FGGY: variants seen among roughly 807,000 people sequenced by gnomAD.
FGGY encodes FGGY carbohydrate kinase domain-containing protein.
In FGGY, 72 loss-of-function variants were observed where a neutral mutation model predicts 71.3. The observed-to-expected ratio is 1.01, with a 90% confidence interval of 0.84 to 1.23. The LOEUF (loss-of-function observed/expected upper bound fraction) is 1.23. FGGY is among the 50% of genes most tolerant of loss of function. FGGY has a pLI of 0.00. For synonymous variants in FGGY, 251 were observed against 250.3 expected (o/e 1.00, Z -0.02); for missense variants, 668 against 682.3 (o/e 0.98, Z 0.23).
At chr1:59,455,141 G>T (rs12081073) in intron 5 of FGGY, among the ~76,000 whole-genome samples, 7,817 of 152,200 alleles carry the variant, frequency 0.051, 679 homozygotes, top group African/African-American at 0.18. Flanking sequence ...GCTGATTCTG[G>T]GCTGACGGAG....
intron 8 of FGGY, among the ~76,000 whole-genome samples, chr1:59,604,814 G>A (rs373734271): frequency 7.9e-4 from 121 of 152,312 alleles, no homozygotes; most frequent in African/African-American, 2.9e-3. Flanking sequence ...GCAAGACACA[G>A]AAAGAGATGA....
chr1:59,584,048 G>C (rs750688295), intron 8 of FGGY, among the ~76,000 whole-genome samples: 1 of 149,596 alleles, frequency 6.7e-6, no homozygotes, highest in Non-Finnish European at 1.5e-5. Context: ...AAAAAGTCCA[G>C]GACCGGATGG....
At chr1:59,471,668 C>T (rs140729875) in intron 6 of FGGY, among the ~76,000 whole-genome samples, 254 of 152,318 alleles carry the variant, frequency 1.7e-3, no homozygotes, top group Non-Finnish European at 3.0e-3. Context: ...GTCATGCATC[C>T]AGCCAACCAC....
At chr1:59,491,053 T>C (rs71637734) in intron 6 of FGGY, among the ~76,000 whole-genome samples, 2 of 2,038 alleles carry the variant, frequency 9.8e-4, no homozygotes, top group African/African-American at 9.3e-3. Context: ...CTTCCTTCCT[T>C]CCTTCCTTCC....
intron 6 of FGGY, among the ~76,000 whole-genome samples, chr1:59,463,180 T>C (rs1364275923): frequency 6.6e-6 from 1 of 152,208 alleles, no homozygotes; most frequent in Non-Finnish European, 1.5e-5. Flanking sequence ...TCATGTCCTT[T>C]GTAGGGACAT....
At chr1:59,514,555 G>T (rs1021437466) in intron 7 of FGGY, among the ~76,000 whole-genome samples, 1 of 152,146 alleles carries the variant, frequency 6.6e-6, no homozygotes, top group Non-Finnish European at 1.5e-5. Context: ...TAAGTGATAT[G>T]GTTTGGCTGT....
At chr1:59,694,405 G>A (rs1470642883) in intron 14 of FGGY, among the ~76,000 whole-genome samples, 4 of 152,062 alleles carry the variant, frequency 2.6e-5, no homozygotes, top group Admixed American at 6.5e-5. Flanking sequence ...TGGTCAGTTC[G>A]TGGACTGGTT....
At chr1:59,479,474 G>C (rs775783691) in intron 6 of FGGY, among the ~76,000 whole-genome samples, 3 of 152,186 alleles carry the variant, frequency 2.0e-5, no homozygotes, top group Non-Finnish European at 2.9e-5. Flanking sequence ...TGGGTCCAGA[G>C]AAGACAGGCA....
intron 7 of FGGY, among the ~76,000 whole-genome samples, chr1:59,547,843 T>C (rs2095550686): frequency 6.6e-6 from 1 of 152,250 alleles, no homozygotes; most frequent in Admixed American, 6.5e-5. Context: ...GTGCTATTGT[T>C]ACCTAGAAAA....
rs1432627311 is a variant in FGGY at position 59,702,641 on chromosome 1, G to A, written c.1512+28508G>A. 2.0e-5 allele frequency among the ~76,000 whole-genome samples: 3 copies of A among 152,168 alleles called. No homozygotes were observed. The East Asian group carries it at 5.8e-4, about 29-fold the overall frequency. ...AGGTGGAGAGCTGGCTTGGAAAGTA[G>A]GGACTAGATTCTAGTCTTTGCTGTA... On this transcript the variant is annotated intron_variant, in intron 14 of 15. Coordinates refer to ENST00000303721, the MANE Select transcript of FGGY (RefSeq NM_018291.5).
At chr1:59,721,628 A>G (rs1204739979) in intron 14 of FGGY, among the ~76,000 whole-genome samples, 5 of 152,030 alleles carry the variant, frequency 3.3e-5, no homozygotes, top group Admixed American at 1.3e-4. Context: ...ATAAGCCACC[A>G]CACCCAGCAG....
At chr1:59,409,624 A>ATATATATATATATATATAT (rs2063315908) in intron 5 of FGGY, among the ~76,000 whole-genome samples, 1 of 150,092 alleles carries the variant, frequency 6.7e-6, no homozygotes, top group African/African-American at 2.5e-5. Flanking sequence ...ATATATATAT[A>ATATATATATATATATATAT]AACAGACAAG....
chr1:59,627,479 T>TACAC (rs2096868806), intron 10 of FGGY, among the ~76,000 whole-genome samples: 5 of 132,554 alleles, frequency 3.8e-5, no homozygotes, highest in Admixed American at 2.2e-4. Context: ...TATATATATA[T>TACAC]ATATATATAT....
At chr1:59,461,671 G>T (rs1481246543) in intron 6 of FGGY, among the ~76,000 whole-genome samples, 1 of 152,106 alleles carries the variant, frequency 6.6e-6, no homozygotes, top group Non-Finnish European at 1.5e-5. Flanking sequence ...CACAGAGAAA[G>T]GTCACATTAC....
chr1:59,760,712 A>G (rs1010786318), intron 15 of FGGY, among the ~76,000 whole-genome samples: 3 of 152,222 alleles, frequency 2.0e-5, no homozygotes, highest in African/African-American at 7.2e-5. Context: ...ATACTGCATG[A>G]TTCCACCTAT....
chr1:59,584,693 T>G (rs1001398563), intron 8 of FGGY, among the ~76,000 whole-genome samples: 26 of 149,896 alleles, frequency 1.7e-4, no homozygotes, highest in South Asian at 6.4e-4. Flanking sequence ...GAGAAGGAAA[T>G]AAAGGGTATT....
chr1:59,630,018 G>T (rs150993657), intron 10 of FGGY, among the ~76,000 whole-genome samples: 2 of 152,132 alleles, frequency 1.3e-5, no homozygotes, highest in African/African-American at 2.4e-5. Context: ...AGTTCTGTGG[G>T]CTGGGCAGGC....
intron 7 of FGGY, among the ~76,000 whole-genome samples, chr1:59,546,111 G>A (rs913691425): frequency 5.3e-5 from 8 of 152,188 alleles, no homozygotes; most frequent in African/African-American, 1.9e-4. Flanking sequence ...ATTGGAAGTT[G>A]TTGGTAGTAA....
intron 10 of FGGY, among the ~76,000 whole-genome samples, chr1:59,633,120 C>T (rs1206236364): frequency 1.3e-5 from 2 of 151,532 alleles, no homozygotes; most frequent in Non-Finnish European, 2.9e-5. Context: ...ACACCATTCT[C>T]CTGCCTCAGC....
Sources: gnomAD v4.1 joint callset for allele counts (sites outside exome capture counted in the v4.1 genomes callset) on GRCh38, gnomAD v4.1.1 for gene constraint, MANE v1.5 for transcripts, NCBI Gene and HGNC (gene_info 2026-07-23, HGNC 2026-07-21) for gene names.